IL18RAP: variants seen among roughly 807,000 people sequenced by gnomAD.
The protein encoded by IL18RAP is interleukin-18 receptor accessory protein.
IL18RAP carries 37 observed loss-of-function variants against 58.1 expected under a neutral mutation model. The ratio of observed to expected loss-of-function variants is 0.64; its 90% CI spans 0.49 to 0.84. IL18RAP has a LOEUF of 0.84. Among genes scored for constraint, IL18RAP ranks in the 40% least tolerant of loss-of-function variants. The pLI is 0.00. For missense variants in IL18RAP, 667 were observed against 704.8 expected, an observed-to-expected ratio of 0.95 and a Z score of 0.61; for synonymous variants, 268 against 257.5, an observed-to-expected ratio of 1.04 and a Z score of -0.39.
Position 102,424,794 on chromosome 2 carries a change from A to G in IL18RAP, c.579+380A>G, listed in dbSNP as rs147479560. ...GGGAGGACTCAACACATAAGTCTTGAAGGGTTTGTGAAAGTTACAGGAGCC... is the reference window on the plus strand; with the variant it reads ...GGGAGGACTCAACACATAAGTCTTGGAGGGTTTGTGAAAGTTACAGGAGCC... On this transcript the variant is annotated intron_variant, in intron 3 of 9. Transcript: ENST00000687160. Among the ~76,000 whole-genome samples the G allele has an allele frequency of 5.6e-3, 855 of 152,344 alleles. 8 individuals carry two copies. The highest frequency in any genetic ancestry group is 0.01 in the Middle Eastern group (3 of 294).
upstream of IL18RAP, among the ~76,000 whole-genome samples, chr2:102,420,281 G>A (rs1166854558): frequency 2.0e-4 from 30 of 152,224 alleles, no homozygotes; most frequent in African/African-American, 2.4e-5. Context: ...CCAGATGAGC[G>A]TGGTGGCTCT....
chr2:102,447,398 G>A lies in IL18RAP; in HGVS notation c.1210+191G>A, dbSNP rs1010644607. Among the ~76,000 whole-genome samples the A allele has an allele frequency of 2.6e-5, 4 of 152,284 alleles. No homozygotes were observed. In the East Asian group the frequency reaches 7.7e-4, roughly 29 times the overall value. On this transcript the variant is annotated intron_variant, in intron 8 of 9. Coordinates refer to ENST00000687160, the MANE Select transcript of IL18RAP (RefSeq NM_001393487.1). The stretch of plus-strand genomic sequence containing the variant: ...GCTGAAGAAAGAAATGTCCCCACTG[G>A]ATAAAGTCATGCCCCTGAGGTTTTG...
chr2:102,451,205 A>G (rs1265008980), intron 9 of IL18RAP, among the ~76,000 whole-genome samples, 184 bp downstream of exon 9: 1 of 152,222 alleles, frequency 6.6e-6, no homozygotes, highest in Non-Finnish European at 1.5e-5. Context: ...AAACAAATCC[A>G]TCTGCAGAAG....
chr2:102,435,922 T>C (rs1682706681), intron 3 of IL18RAP, among the ~76,000 whole-genome samples: 1 of 151,822 alleles, frequency 6.6e-6, no homozygotes, highest in Non-Finnish European at 1.5e-5. Flanking sequence ...GTGGCGGATG[T>C]TCCTGTTTCC....
At chr2:102,434,438 G>C (rs951327189) in intron 3 of IL18RAP, 1 of 152,120 alleles carries the variant, frequency 6.6e-6, no homozygotes, top group Non-Finnish European at 1.5e-5. Flanking sequence ...TACATGTCAA[G>C]AGGTTGGAAT....
At chr2:102,449,483 T>A (rs752034840) in intron 8 of IL18RAP, among the ~76,000 whole-genome samples, 3 of 152,210 alleles carry the variant, frequency 2.0e-5, no homozygotes, top group Non-Finnish European at 2.9e-5. Context: ...CATTTACTTG[T>A]GTCCTTTCTT....
chr2:102,418,717 G>A (rs920485515), upstream of IL18RAP: 1 of 152,280 alleles, frequency 6.6e-6, no homozygotes, highest in African/African-American at 2.4e-5. Context: ...TACAAAATAA[G>A]GTTTTCCTTT....
rs1384145342 is a variant in IL18RAP at position 102,437,328 on chromosome 2, G to A, written c.696G>A (p.Trp232Ter). 4 of 1,613,732 alleles carry A rather than the reference G, an allele frequency of 2.5e-6. No individual in the cohort carries two copies. The highest frequency in any genetic ancestry group is 3.4e-6 in the Non-Finnish European group (4 of 1,179,796). The change falls in exon 4 of 10, where the codon TGG becomes TGA. Residue 232 changes from tryptophan to a stop codon, truncating the protein, a stop_gained. Coordinates refer to ENST00000687160, the MANE Select transcript of IL18RAP (RefSeq NM_001393487.1). LOFTEE classifies it high-confidence loss of function. Reference sequence around the variant, plus strand: ...CTCAGTCGGATACTGTGAGTTCGTGGACAGTCAGAGCTGTTGTTCAAGTGA... The same window carrying A: ...CTCAGTCGGATACTGTGAGTTCGTGAACAGTCAGAGCTGTTGTTCAAGTGA... ...DYTQSDTVSS[W>*]TVRAVVQVRT... is the part of the protein sequence containing the mutation.
intron 3 of IL18RAP, among the ~76,000 whole-genome samples, chr2:102,429,189 A>C (rs1252749961): frequency 6.6e-6 from 1 of 151,928 alleles, no homozygotes; most frequent in Non-Finnish European, 1.5e-5. Context: ...CTTTGGTATC[A>C]GAGTGATGCT....
In IL18RAP at chr2:102,424,006, C is replaced by A; in HGVS notation, c.266C>A (p.Ser89Ter). Residue 89 changes from serine (S) to a stop codon, truncating the protein, a stop_gained, in exon 2 of 10, where the codon TCG (serine) becomes TAG (stop). Transcript: ENST00000687160. LOFTEE classifies it high-confidence loss of function. The part of the protein sequence containing the change: ...LSDVQWYQQP[S>*]NGDPLEDIRK... ...GATGTCCAATGGTACCAACAACCTT[C>A]GAATGGAGATCCATTAGAGGACATT... The A allele has an allele frequency of 1.2e-6, 2 of 1,613,990 alleles. No individual in the cohort carries two copies. The highest frequency in any genetic ancestry group is 1.7e-6 in the Non-Finnish European group (2 of 1,179,962).
At chr2:102,430,583 A>G (rs1005356464) in intron 3 of IL18RAP, among the ~76,000 whole-genome samples, 3 of 152,062 alleles carry the variant, frequency 2.0e-5, no homozygotes, top group East Asian at 1.9e-4. Flanking sequence ...GGCTGTTGCC[A>G]TTTTGTAACT....
intron 3 of IL18RAP, among the ~76,000 whole-genome samples, chr2:102,433,522 C>T (rs1349215564): frequency 6.6e-6 from 1 of 151,856 alleles, no homozygotes; most frequent in Non-Finnish European, 1.5e-5. Context: ...TCATGCCAAC[C>T]ACAAAGAAGT....
chr2:102,423,371 T>G (rs753732342), intron 1 of IL18RAP, 24 bp downstream of exon 1: 1 of 1,589,220 alleles, frequency 6.3e-7, no homozygotes, highest in South Asian at 1.1e-5. Context: ...CTTTTCATGT[T>G]AGCACTGTGA....
At chr2:102,420,651 A>C (rs947664452), upstream of IL18RAP, among the ~76,000 whole-genome samples, 3 of 152,348 alleles carry the variant, frequency 2.0e-5, no homozygotes, top group Admixed American at 6.5e-5. Context: ...CTTAGCAACC[A>C]TCTGATCTTA....
intron 7 of IL18RAP, 66 bp downstream of exon 7, chr2:102,445,406 A>C: frequency 6.9e-7 from 1 of 1,455,930 alleles, no homozygotes; most frequent in Admixed American, 1.8e-5. Context: ...GAGTTTTCCT[A>C]AAGAATAGTA....
At chr2:102,451,684 T>C (rs1683775844) in intron 9 of IL18RAP, 82 bp from the exon 10 acceptor site, 2 of 1,132,742 alleles carry the variant, frequency 1.8e-6, no homozygotes, top group Non-Finnish European at 2.6e-6. Flanking sequence ...TTCCTCCTTA[T>C]GTAAGAGAAT....
At chr2:102,419,609 C>T (rs183206248), upstream of IL18RAP, 107 of 152,398 alleles carry the variant, frequency 7.0e-4, no homozygotes, top group African/African-American at 2.4e-3. Context: ...AATCTTCATC[C>T]TCTGAAAAAA....
intron 8 of IL18RAP, among the ~76,000 whole-genome samples, chr2:102,450,615 C>T (rs1401982031): frequency 6.6e-6 from 1 of 152,086 alleles, no homozygotes; most frequent in Admixed American, 6.6e-5. Context: ...GCCATTTGAC[C>T]TAAAATCAGT....
At chr2:102,423,680 A>G in intron 1 of IL18RAP, 131 bp from the exon 2 acceptor site, 1 of 733,314 alleles carries the variant, frequency 1.4e-6, no homozygotes, top group Admixed American at 2.8e-5. Flanking sequence ...TTCCCCTACA[A>G]AATAGACAGT....
Sources: allele counts gnomAD v4.1 joint callset (sites outside exome capture counted in the v4.1 genomes callset), GRCh38; gene constraint gnomAD v4.1.1; transcripts MANE v1.5; gene names NCBI Gene and HGNC (gene_info 2026-07-23, HGNC 2026-07-21).